DPP6: variants seen among roughly 807,000 people sequenced by gnomAD.
The protein encoded by DPP6 is dipeptidyl peptidase like 6.
Under a neutral mutation model 122.6 loss-of-function variants are expected in DPP6, and 69 were observed. That is an observed-to-expected ratio of 0.56 (90% confidence interval 0.46 to 0.69). The LOEUF is 0.69. Ranked by LOEUF, DPP6 falls within the 30% of genes least tolerant of loss-of-function variation. The pLI is 0.00. For synonymous variants in DPP6, 418 were observed against 433.1 expected (o/e 0.97, Z 0.43); for missense variants, 928 against 1,116.9 (o/e 0.83, Z 2.41).
intron 1 of DPP6, among the ~76,000 whole-genome samples, chr7:154,004,210 T>G (rs1462879895): frequency 6.6e-6 from 1 of 152,180 alleles, no homozygotes; most frequent in Non-Finnish European, 1.5e-5. Context: ...GGTAAAGAAG[T>G]ATAATTTTTG....
the DPP6 span, among the ~76,000 whole-genome samples, chr7:153,786,735 T>C: frequency 1.1e-4 from 6 of 53,456 alleles, no homozygotes; most frequent in East Asian, 1.7e-3. Context: ...CGAGACTCCG[T>C]CTCAGAAAAA....
intron 1 of DPP6, among the ~76,000 whole-genome samples, chr7:154,175,038 C>A (rs546221805): frequency 1.3e-5 from 2 of 151,904 alleles, no homozygotes; most frequent in East Asian, 1.9e-4. Flanking sequence ...ACGCGCCCCC[C>A]ACCCCTGTCT....
chr7:153,827,764 G>A, the DPP6 span, among the ~76,000 whole-genome samples: 1 of 152,126 alleles, frequency 6.6e-6, no homozygotes, highest in East Asian at 1.9e-4. Flanking sequence ...CCACCAGGAT[G>A]GCATCAGAGG....
At chr7:154,570,512 A>G (rs1384963613) in intron 5 of DPP6, among the ~76,000 whole-genome samples, 1 of 150,434 alleles carries the variant, frequency 6.6e-6, no homozygotes, top group East Asian at 1.9e-4. Flanking sequence ...GTGTGTGTAT[A>G]TTCTCTCCGA....
In DPP6 at chr7:154,697,961, A is replaced by C. The variant is rs372944342; in HGVS notation, c.762+28520A>C. Among the ~76,000 whole-genome samples the C allele has an allele frequency of 4.6e-5, 7 of 152,294 alleles. No homozygotes were observed. The South Asian group carries it at 1.4e-3, about 32-fold the overall frequency. ...TACAGGTGCTAGGTTCATTTTAGGC[A>C]TTTGGTTGAACTTTATCATTTATTT... On this transcript the variant is annotated intron_variant, in intron 7 of 25. Transcript: ENST00000377770.
At position 154,730,305 on chromosome 7, in the gene DPP6, G is replaced by A. The variant is rs545064986; in HGVS notation, c.883+2418G>A. On this transcript the variant is annotated intron_variant, in intron 8 of 25. Transcript: ENST00000377770. Reference sequence around the variant, plus strand: ...GAGTGGTTCAAAGTAAGGCTGTGGAGCTGCAGGGACCCAGGGAGGAGACCT... The same window carrying A: ...GAGTGGTTCAAAGTAAGGCTGTGGAACTGCAGGGACCCAGGGAGGAGACCT... Among the ~76,000 whole-genome samples, 19 of 152,230 alleles carry A rather than the reference G, an allele frequency of 1.2e-4. No homozygotes were observed. In the Middle Eastern group the frequency reaches 0.014, roughly 109 times the overall value.
At chr7:154,544,157 A>G (rs948147318) in intron 4 of DPP6, among the ~76,000 whole-genome samples, 1 of 147,908 alleles carries the variant, frequency 6.8e-6, no homozygotes, top group East Asian at 1.9e-4. Context: ...TATATTTTAT[A>G]TATATATATA....
chr7:154,498,596 C>A (rs1303404281), intron 3 of DPP6, among the ~76,000 whole-genome samples: 2 of 152,146 alleles, frequency 1.3e-5, no homozygotes, highest in Non-Finnish European at 2.9e-5. Flanking sequence ...CCTCAGCCTC[C>A]CAAAGTGCTG....
rs150484818 is a variant in DPP6 at position 153,902,516 on chromosome 7, C to T, written c.51+14782C>T. Among the ~76,000 whole-genome samples, 34 of 152,214 alleles carry T rather than the reference C, an allele frequency of 2.2e-4. No individual in the cohort carries two copies. The East Asian group carries it at 3.1e-3, about 14-fold the overall frequency. On this transcript the variant is annotated intron_variant, in intron 1 of 25. Coordinates refer to the DPP6 transcript ENST00000404039. ...AAAAGCCCTCCCTATCTAGTCTTCA[C>T]AAGGATGCACTTCCAAGAGATGAAA...
intron 1 of DPP6, among the ~76,000 whole-genome samples, chr7:154,150,460 AG>A (rs1455822917): frequency 2.6e-5 from 4 of 152,240 alleles, no homozygotes; most frequent in Admixed American, 6.5e-5. Context: ...ACTGAAAAAC[AG>A]AGCAAAAGGG....
rs1563109429 is a variant in DPP6, at chr7:154,023,357, C to CACACACACACACACACACACAT, written c.51+135627_51+135628insACACACACACACACACATACAC. Among the ~76,000 whole-genome samples, 177 of 151,058 alleles carry CACACACACACACACACACACAT rather than the reference C, an allele frequency of 1.2e-3. 1 individual carries two copies. The highest frequency in any genetic ancestry group is 4.0e-3 in the African/African-American group (163 of 40,634). Reference sequence around the variant, plus strand: ...ACACACACACACACACACACACACACACACTTCTTAAGTCTGCATTCCCCA... The same window carrying CACACACACACACACACACACAT: ...ACACACACACACACACACACACACACACACACACACACACACACACATACACTTCTTAAGTCTGCATTCCCCA... On this transcript the variant is annotated intron_variant, in intron 1 of 25. Coordinates refer to the DPP6 transcript ENST00000404039.
At chr7:154,289,849 G>A (rs1805090927) in intron 1 of DPP6, among the ~76,000 whole-genome samples, 1 of 152,190 alleles carries the variant, frequency 6.6e-6, no homozygotes, top group Non-Finnish European at 1.5e-5. Context: ...GGGTACTGAG[G>A]CTAGATTCCC....
chr7:154,866,477 G>C lies in DPP6; in HGVS notation c.1715-1518G>C, dbSNP rs181499448. Among the ~76,000 whole-genome samples the C allele has an allele frequency of 2.0e-4, 31 of 152,332 alleles. No individual in the cohort carries two copies. In the East Asian group the frequency reaches 5.4e-3, roughly 27 times the overall value. ...CTCACGTGCATGCCTGTGAGGGAGAGTGCGCCACCTCTGCAGCCAAGTCTC... is the reference window on the plus strand; with the variant it reads ...CTCACGTGCATGCCTGTGAGGGAGACTGCGCCACCTCTGCAGCCAAGTCTC... On this transcript the variant is annotated intron_variant, in intron 17 of 25. Coordinates refer to ENST00000377770, the MANE Select transcript of DPP6 (RefSeq NM_130797.4).
chr7:154,529,474 TA>T (rs61419594), intron 3 of DPP6, among the ~76,000 whole-genome samples: 18,601 of 152,126 alleles, frequency 0.12, 1,372 homozygotes, highest in Non-Finnish European at 0.16. Flanking sequence ...GTCCAGAAAT[TA>T]ATATCCATAA....
At chr7:154,830,314 C>T (rs1474579030) in intron 16 of DPP6, among the ~76,000 whole-genome samples, 2 of 152,154 alleles carry the variant, frequency 1.3e-5, no homozygotes, top group Non-Finnish European at 2.9e-5. Flanking sequence ...CCACAAGTTC[C>T]AGGAAGAGGC....
intron 1 of DPP6, among the ~76,000 whole-genome samples, chr7:153,910,401 C>G (rs1486843744): frequency 6.6e-6 from 1 of 151,904 alleles, no homozygotes; most frequent in Non-Finnish European, 1.5e-5. Flanking sequence ...ATAATTTTGA[C>G]CACTTTCTTT....
At chr7:154,150,853 C>G (rs1164860615) in intron 1 of DPP6, among the ~76,000 whole-genome samples, 1 of 152,206 alleles carries the variant, frequency 6.6e-6, no homozygotes, top group African/African-American at 2.4e-5. Flanking sequence ...GCTTTCCCCA[C>G]CAGGATTCAC....
chr7:154,327,172 G>A (rs141428009), intron 1 of DPP6, among the ~76,000 whole-genome samples: 358 of 152,230 alleles, frequency 2.4e-3, no homozygotes, highest in Middle Eastern at 6.8e-3. Flanking sequence ...AGGCAAAGTG[G>A]AGAATGAAGA....
At chr7:154,499,822 A>G (rs1284878502) in intron 3 of DPP6, among the ~76,000 whole-genome samples, 1 of 152,090 alleles carries the variant, frequency 6.6e-6, no homozygotes, top group Admixed American at 6.6e-5. Flanking sequence ...GGTCCTAAAG[A>G]CAACCAGGTT....
Sources: gnomAD v4.1 joint callset for allele counts (sites outside exome capture counted in the v4.1 genomes callset) on GRCh38, gnomAD v4.1.1 for gene constraint, MANE v1.5 for transcripts, NCBI Gene and HGNC (gene_info 2026-07-23, HGNC 2026-07-21) for gene names.